EBF3: variants seen among roughly 807,000 people sequenced by gnomAD.
EBF3 encodes the protein EBF transcription factor 3.
A neutral mutation model predicts 77.1 loss-of-function variants in EBF3; 18 were observed. The observed-to-expected ratio is 0.23, with a 90% CI of 0.16 to 0.35. The LOEUF is 0.35. EBF3 is among the 10% of genes least tolerant of loss of function. The pLI, the probability that EBF3 is intolerant of heterozygous loss-of-function variation, is 1.00. For missense variants in EBF3, 558 were observed against 860.0 expected (o/e 0.65, Z 4.39); for synonymous variants, 350 against 343.5 (o/e 1.02, Z -0.21).
intron 6 of EBF3, among the ~76,000 whole-genome samples, chr10:129,948,285 A>G (rs1382203964): frequency 2.1e-5 from 3 of 146,036 alleles, no homozygotes; most frequent in African/African-American, 7.8e-5. Flanking sequence ...AAAAAAAAAA[A>G]GCAGCAGCAG....
At chr10:129,932,407 G>C (rs971117004) in intron 6 of EBF3, among the ~76,000 whole-genome samples, 5 of 152,202 alleles carry the variant, frequency 3.3e-5, no homozygotes, top group Admixed American at 2.0e-4. Flanking sequence ...GTACATGGCA[G>C]AGCGGCCGCC....
At chr10:129,961,606 T>C (rs566190316) in intron 4 of EBF3, among the ~76,000 whole-genome samples, 5 of 152,298 alleles carry the variant, frequency 3.3e-5, no homozygotes, top group African/African-American at 1.2e-4. Context: ...GAGTGACCCC[T>C]GGAGCTTGGA....
rs1590058100 is a variant in EBF3 at position 129,848,972 on chromosome 10, T to C, written c.1040-492A>G. Among the ~76,000 whole-genome samples the C allele has an allele frequency of 6.6e-6, 1 of 152,350 alleles. No individual in the cohort carries two copies. The highest frequency in any genetic ancestry group is 1.9e-4 in the East Asian group (1 of 5,178). On this transcript the variant is annotated intron_variant, in intron 10 of 16. Coordinates refer to ENST00000440978, the MANE Select transcript of EBF3 (RefSeq NM_001375380.1). This position sits in a 1 kb window ranked among gnomAD's most constrained non-coding sequence, Gnocchi z 4.4. ...AGCACTTATTCTTGCAAAGCTTTAA[T>C]AATCTGTGAATGGCTGCCTACAAAC...
rs914806141 is a variant in EBF3, at chr10:129,861,416, G to A, written c.1039+5725C>T. On this transcript the variant is annotated intron_variant, in intron 10 of 16. Transcript: ENST00000440978. The surrounding 1 kb of genome is among the most constrained non-coding windows in gnomAD (Gnocchi z 4.3). The stretch of plus-strand genomic sequence containing the variant: ...GGAGAAGTTGTGTTGTTGGAGTCAC[G>A]CATTATCTTGTGATTATCCCGATTC... Among the ~76,000 whole-genome samples, 3 of 152,162 alleles carry A rather than the reference G, an allele frequency of 2.0e-5. No individual in the cohort carries two copies. The highest frequency in any genetic ancestry group is 4.1e-4 in the South Asian group (2 of 4,826).
chr10:129,937,627 T>C (rs954848649), intron 6 of EBF3, among the ~76,000 whole-genome samples: 3 of 152,146 alleles, frequency 2.0e-5, no homozygotes, highest in Non-Finnish European at 2.9e-5. Flanking sequence ...AGAGAACCAC[T>C]GTCCAGTCCC....
Position 129,848,508 on chromosome 10 carries a change from A to T in EBF3, c.1040-28T>A, listed in dbSNP as rs747650189. ...GCAACAGGACACAGAAATGTAGATCAGGTTAATTACTTTTATGTCATCCAT... is the reference window on the plus strand; with the variant it reads ...GCAACAGGACACAGAAATGTAGATCTGGTTAATTACTTTTATGTCATCCAT... On this transcript the variant is annotated intron_variant, in intron 10 of 16. Transcript: ENST00000440978. This position sits in a 1 kb window ranked among gnomAD's most constrained non-coding sequence, Gnocchi z 4.4. 3 of 1,609,536 alleles carry T rather than the reference A, an allele frequency of 1.9e-6. No individual in the cohort carries two copies. Among genetic ancestry groups the T allele is most frequent in the Non-Finnish European group, 2.6e-6 (3 of 1,175,892 alleles).
At chr10:129,860,077 CG>C (rs1851513518) in intron 10 of EBF3, among the ~76,000 whole-genome samples, 1 of 152,086 alleles carries the variant, frequency 6.6e-6, no homozygotes, top group Non-Finnish European at 1.5e-5. Context: ...TTATTATCCC[CG>C]CTTTATTCTG....
Position 129,963,995 on chromosome 10 carries a change from C to T in EBF3, c.-227G>A, listed in dbSNP as rs1859742469. 1 of 985,082 alleles carries T rather than the reference C, an allele frequency of 1.0e-6. No homozygotes were observed. Among genetic ancestry groups the T allele is most frequent in the Non-Finnish European group, 1.2e-6 (1 of 829,816 alleles). 61.0% of individuals were successfully genotyped at this position (985,082 alleles called of 1,614,324 possible). A position where few individuals can be genotyped will look rare whatever the true frequency, so the allele number is the denominator to read the frequency against. On this transcript the variant is annotated 5_prime_UTR_variant, in exon 1 of 17. Transcript: ENST00000440978. This position sits in a 1 kb window ranked among gnomAD's most constrained non-coding sequence, Gnocchi z 7.1. ...GAGGCGGCTCCACCGGCGGCGGCGG[C>T]GCTTCGAAGGAGCAGGACGCGGTGG...
intron 6 of EBF3, among the ~76,000 whole-genome samples, chr10:129,905,306 A>G (rs1163644910): frequency 6.6e-6 from 1 of 152,254 alleles, no homozygotes; most frequent in Non-Finnish European, 1.5e-5. Context: ...CCAATACACC[A>G]GATTCCCAAA....
Position 129,963,340 on chromosome 10 carries a change from A to C in EBF3, c.291+27T>G. ...CTGCCTCCCGCTTCTAGAAAGAGAGAGGGTGTGATCGTGTGTTTGCACTTA... is the reference window on the plus strand; with the variant it reads ...CTGCCTCCCGCTTCTAGAAAGAGAGCGGGTGTGATCGTGTGTTTGCACTTA... On this transcript the variant is annotated intron_variant, in intron 2 of 16. Transcript: ENST00000440978. This position sits in a 1 kb window ranked among gnomAD's most constrained non-coding sequence, Gnocchi z 7.1. 6.4e-7 allele frequency: 1 copy of C among 1,562,688 alleles called. No homozygotes were observed. Among genetic ancestry groups the C allele is most frequent in the Non-Finnish European group, 8.6e-7 (1 of 1,156,518 alleles).
chr10:129,894,036 C>T (rs942595536), intron 6 of EBF3, among the ~76,000 whole-genome samples: 2 of 152,172 alleles, frequency 1.3e-5, no homozygotes, highest in South Asian at 2.1e-4. Flanking sequence ...AGAATAATTT[C>T]GGTAAAGGCT....
intron 6 of EBF3, among the ~76,000 whole-genome samples, chr10:129,931,002 CCT>C (rs1034951603): frequency 1.1e-4 from 17 of 150,318 alleles, no homozygotes; most frequent in Non-Finnish European, 2.4e-4. Flanking sequence ...AACAAATCCC[CCT>C]CTCATATACC....
chr10:129,951,269 T>C (rs771715428), intron 6 of EBF3, among the ~76,000 whole-genome samples: 1 of 152,226 alleles, frequency 6.6e-6, no homozygotes, highest in Non-Finnish European at 1.5e-5. Context: ...CGGCTTTCCA[T>C]AAAGTAATCC....
intron 6 of EBF3, among the ~76,000 whole-genome samples, chr10:129,889,441 C>T (rs894127427): frequency 6.6e-6 from 1 of 152,230 alleles, no homozygotes; most frequent in Admixed American, 6.5e-5. Flanking sequence ...ACCCCTCCTG[C>T]GGCTGGGCCG....
At chr10:129,859,409 G>A (rs1386333764) in intron 10 of EBF3, among the ~76,000 whole-genome samples, 4 of 152,070 alleles carry the variant, frequency 2.6e-5, no homozygotes, top group African/African-American at 7.2e-5. Flanking sequence ...ATTTTTAGTA[G>A]AGACAGGGTT....
chr10:129,883,944 A>C (rs545563105), intron 6 of EBF3, among the ~76,000 whole-genome samples: 3 of 152,328 alleles, frequency 2.0e-5, no homozygotes, highest in East Asian at 3.9e-4. Context: ...CGAACAAAAA[A>C]CGTCCTGCCC....
intron 4 of EBF3, 108 bp from the exon 5 acceptor site, chr10:129,959,115 G>T: frequency 7.2e-7 from 1 of 1,381,060 alleles, no homozygotes; most frequent in South Asian, 1.2e-5. Context: ...CCACGCTCGA[G>T]GGGAGGCGAT....
chr10:129,906,702 C>G (rs1256244893), intron 6 of EBF3, among the ~76,000 whole-genome samples: 1 of 152,094 alleles, frequency 6.6e-6, no homozygotes, highest in Non-Finnish European at 1.5e-5. Context: ...CAGGCTAAAC[C>G]TCAATTGTTT....
chr10:129,855,090 C>A (rs142121505), intron 10 of EBF3, among the ~76,000 whole-genome samples: 1 of 152,246 alleles, frequency 6.6e-6, no homozygotes, highest in Non-Finnish European at 1.5e-5. Flanking sequence ...GGGTTTCACA[C>A]CAGTGACTCC....
Sources: gnomAD v4.1 joint callset for allele counts (sites outside exome capture counted in the v4.1 genomes callset) on GRCh38, gnomAD v4.1.1 for gene constraint, Gnocchi (gnomAD v3.1) non-coding constraint, MANE v1.5 for transcripts, NCBI Gene and HGNC (gene_info 2026-07-23, HGNC 2026-07-21) for gene names.